Variants in SLC14A2 observed in about 807,000 individuals in gnomAD.
SLC14A2 encodes urea transporter 2.
Under a neutral mutation model 104.6 loss-of-function variants are expected in SLC14A2, and 91 were observed. The ratio of observed to expected loss-of-function variants is 0.87; its 90% CI spans 0.73 to 1.04. The LOEUF is 1.04. Among genes scored for constraint, SLC14A2 ranks in the 50% least tolerant of loss-of-function variants. The pLI is 0.00. For missense variants in SLC14A2, 1,189 were observed against 1,156.0 expected (o/e 1.03, Z -0.41); for synonymous variants, 476 against 466.4 (o/e 1.02, Z -0.27).
At chr18:45,286,776 C>T (rs1294218695) in intron 1 of SLC14A2, among the ~76,000 whole-genome samples, 1 of 151,898 alleles carries the variant, frequency 6.6e-6, no homozygotes, top group African/African-American at 2.4e-5. Flanking sequence ...TATACAGTAC[C>T]CCTAAATGCT....
At chr18:45,200,209 C>T in the SLC14A2 span, among the ~76,000 whole-genome samples, 82 of 152,142 alleles carry the variant, frequency 5.4e-4, 1 homozygote, top group South Asian at 0.014. Flanking sequence ...AAGTACCCTT[C>T]GTTTTTCAGA....
chr18:45,411,446 A>G (rs1345490), intron 1 of SLC14A2, among the ~76,000 whole-genome samples: 37,701 of 152,112 alleles, frequency 0.25, 4,883 homozygotes, highest in South Asian at 0.4. Context: ...CAACAGAAGC[A>G]CAGTGAAGGG....
chr18:45,515,643 G>C (rs1226497629), intron 2 of SLC14A2: 1 of 152,300 alleles, frequency 6.6e-6, no homozygotes, highest in African/African-American at 2.4e-5. Flanking sequence ...CCACTCTGCA[G>C]TCAGGAAGGG....
chr18:45,427,881 A>G (rs914785505), intron 1 of SLC14A2, among the ~76,000 whole-genome samples: 1 of 152,174 alleles, frequency 6.6e-6, no homozygotes, highest in African/African-American at 2.4e-5. Flanking sequence ...AAGCCATAAG[A>G]TCTCTCAGGG....
intron 1 of SLC14A2, among the ~76,000 whole-genome samples, chr18:45,286,454 AT>A (rs1382279344): frequency 6.6e-6 from 1 of 152,116 alleles, no homozygotes; most frequent in Non-Finnish European, 1.5e-5. Context: ...GTAATTTCTC[AT>A]TTACACCAAG....
chr18:45,329,051 C>T (rs1017417861), intron 1 of SLC14A2, among the ~76,000 whole-genome samples: 1 of 152,058 alleles, frequency 6.6e-6, no homozygotes, highest in Non-Finnish European at 1.5e-5. Context: ...ATTTTCTACA[C>T]TCTAATGGAG....
Position 45,624,759 on chromosome 18 carries a change from C to G in SLC14A2, c.95C>G (p.Ser32Trp). The change falls in exon 2 of 20, where the codon TCG becomes TGG. Residue 32 changes from serine (S) to tryptophan (W), a missense_variant. Coordinates refer to ENST00000255226, the MANE Select transcript of SLC14A2 (RefSeq NM_007163.4). ...GAGTTTACCAGCCCGAGCTGGCCCTCGACATCCCCGGATACTCACCCAGCT... is the reference window on the plus strand; with the variant it reads ...GAGTTTACCAGCCCGAGCTGGCCCTGGACATCCCCGGATACTCACCCAGCT... ...EAEFTSPSWPSTSPDTHPALP... is the reference protein window; with the variant it reads ...EAEFTSPSWPWTSPDTHPALP... The G allele has an allele frequency of 6.2e-7, 1 of 1,613,430 alleles. No individual in the cohort carries two copies. Among genetic ancestry groups the G allele is most frequent in the African/African-American group, 1.3e-5 (1 of 75,020 alleles).
intron 1 of SLC14A2, among the ~76,000 whole-genome samples, chr18:45,451,146 G>T (rs1259061440): frequency 6.6e-6 from 1 of 152,174 alleles, no homozygotes; most frequent in African/African-American, 2.4e-5. Flanking sequence ...AGCACAGAGA[G>T]GTCAATATTG....
intron 1 of SLC14A2, among the ~76,000 whole-genome samples, chr18:45,297,405 C>T (rs111291757): frequency 6.6e-6 from 1 of 152,292 alleles, no homozygotes; most frequent in Non-Finnish European, 1.5e-5. Context: ...GATTCTTATC[C>T]AGGATGGCAT....
At chr18:45,200,193 C>T in the SLC14A2 span, among the ~76,000 whole-genome samples, 1 of 152,010 alleles carries the variant, frequency 6.6e-6, no homozygotes, top group Non-Finnish European at 1.5e-5. Flanking sequence ...CTTTTCTCTG[C>T]TGTGGAAGTA....
chr18:45,483,931 G>A (rs1286634620), intron 2 of SLC14A2, among the ~76,000 whole-genome samples: 2 of 150,130 alleles, frequency 1.3e-5, no homozygotes, highest in Non-Finnish European at 3.0e-5. Flanking sequence ...TGGGGGAGGA[G>A]GGTAATAGCC....
intron 10 of SLC14A2, among the ~76,000 whole-genome samples, chr18:45,652,609 T>C (rs947582186): frequency 3.9e-5 from 6 of 152,140 alleles, no homozygotes; most frequent in African/African-American, 1.4e-4. Flanking sequence ...CTCTGTAAAG[T>C]TGAAAACGTA....
intron 1 of SLC14A2, among the ~76,000 whole-genome samples, chr18:45,362,759 A>G (rs942851262): frequency 6.6e-6 from 1 of 152,200 alleles, no homozygotes; most frequent in Non-Finnish European, 1.5e-5. Context: ...CATCACTCAC[A>G]CTGCATAGCT....
chr18:45,291,420 A>C (rs2084868270), intron 1 of SLC14A2, among the ~76,000 whole-genome samples: 1 of 152,126 alleles, frequency 6.6e-6, no homozygotes, highest in South Asian at 2.1e-4. Flanking sequence ...CAGATCCATT[A>C]CCTTTCCCTC....
the SLC14A2 span, among the ~76,000 whole-genome samples, chr18:45,179,265 A>G: frequency 6.6e-6 from 1 of 152,190 alleles, no homozygotes; most frequent in South Asian, 2.1e-4. Flanking sequence ...TAGAGGTTTG[A>G]GAAAGGTCGG....
At chr18:45,233,891 G>A (rs2084200399) in intron 1 of SLC14A2, among the ~76,000 whole-genome samples, 1 of 151,448 alleles carries the variant, frequency 6.6e-6, no homozygotes, top group Non-Finnish European at 1.5e-5. Context: ...ATTTGCCTCT[G>A]TGTTTTTTTG....
intron 1 of SLC14A2, among the ~76,000 whole-genome samples, chr18:45,442,333 G>T (rs371834410): frequency 5.9e-5 from 9 of 152,150 alleles, no homozygotes; most frequent in African/African-American, 2.2e-4. Flanking sequence ...CTGGTGTCCA[G>T]AAGTCAGAGA....
intron 2 of SLC14A2, among the ~76,000 whole-genome samples, chr18:45,580,843 G>T (rs939530564): frequency 3.3e-5 from 5 of 152,152 alleles, no homozygotes; most frequent in African/African-American, 9.7e-5. Context: ...GTGGGCAAGG[G>T]ATTCAACTTT....
chr18:45,317,649 A>G (rs894007678), intron 1 of SLC14A2, among the ~76,000 whole-genome samples: 11 of 152,320 alleles, frequency 7.2e-5, no homozygotes, highest in African/African-American at 2.6e-4. Context: ...GCCCCGAGGC[A>G]GGAAGAAACA....
Sources: gnomAD v4.1 joint callset for allele counts (sites outside exome capture counted in the v4.1 genomes callset) on GRCh38, gnomAD v4.1.1 for gene constraint, MANE v1.5 for transcripts, NCBI Gene and HGNC (gene_info 2026-07-23, HGNC 2026-07-21) for gene names.